The following NUCB2 variants were observed in gnomAD, a reference collection of about 807,000 sequenced individuals.
NUCB2 encodes nucleobindin-2.
NUCB2 carries 48 observed loss-of-function variants against 57.9 expected under a neutral mutation model. The observed-to-expected ratio is 0.83, with a 90% CI of 0.66 to 1.05. The LOEUF is 1.05. Ranked by LOEUF, NUCB2 falls within the 50% of genes least tolerant of loss-of-function variation. The pLI is 0.00. For missense variants in NUCB2, 442 were observed against 476.2 expected (o/e 0.93, Z 0.67); for synonymous variants, 139 against 152.1 (o/e 0.91, Z 0.64).
intron 4 of NUCB2, among the ~76,000 whole-genome samples, chr11:17,297,267 A>G (rs1945973980): frequency 6.6e-6 from 1 of 152,062 alleles, no homozygotes; most frequent in Non-Finnish European, 1.5e-5. Context: ...GAATCAGAAT[A>G]AGAGAACTGT....
At chr11:17,282,748 G>T (rs377120469) in intron 1 of NUCB2, 41 bp from the exon 2 acceptor site, 1 of 151,952 alleles carries the variant, frequency 6.6e-6, no homozygotes, top group Admixed American at 6.6e-5. Context: ...TTGTGATTTT[G>T]TGTCTTTTAT....
At position 17,310,912 on chromosome 11, in the gene NUCB2, T is replaced by C. The variant is rs1948392863; in HGVS notation, c.571T>C (p.Tyr191His). 6.3e-7 allele frequency: 1 copy of C among 1,592,274 alleles called. No individual in the cohort carries two copies. The highest frequency in any genetic ancestry group is 1.8e-5 in the Admixed American group (1 of 54,550). Residue 191 changes from tyrosine (Y) to histidine (H), a missense_variant, in exon 7 of 14, where the codon TAT becomes CAT. By Grantham distance (83) the Tyr-to-His change is moderately conservative. Transcript: ENST00000529010. ...GATGAAGGAACATGAAAGGAGAGAA[T>C]ATTTAAAAACATTGAATGAAGAAAA... ...EMMKEHERRE[Y>H]LKTLNEEKRK...
At chr11:17,324,084 ATCT>A (rs1392712725) in intron 11 of NUCB2, among the ~76,000 whole-genome samples, 7 of 151,584 alleles carry the variant, frequency 4.6e-5, no homozygotes, top group South Asian at 2.1e-4. Flanking sequence ...TTATTTTTTC[ATCT>A]TCTACTAATT....
At position 17,295,461 on chromosome 11, in the gene NUCB2, A is replaced by G. The variant is rs752473794; in HGVS notation, c.138A>G (p.Glu46=). ...ACCCTGTGGAAAGTGCGAAGATAGA[A>G]CCACCAGTAAGTGAAATGAAGTGAA... The part of the protein sequence containing the change: ...NIHPVESAKI[E]PPDTGLYYDE... Residue 46 remains glutamate (E), a synonymous_variant, in exon 3 of 14, where the codon GAA becomes GAG. Transcript: ENST00000529010. 2 of 1,608,996 alleles carry G rather than the reference A, an allele frequency of 1.2e-6. No individual in the cohort carries two copies. The highest frequency in any genetic ancestry group is 1.7e-6 in the Non-Finnish European group (2 of 1,177,408).
intron 2 of NUCB2, among the ~76,000 whole-genome samples, chr11:17,287,630 AC>A (rs142318529): frequency 0.06 from 8,780 of 146,134 alleles, 301 homozygotes; most frequent in Middle Eastern, 0.1. Flanking sequence ...CCAAGATTGC[AC>A]CACTGCATTC....
exon 3 of NUCB2, chr11:17,349,505 G>A (rs1158705433): frequency 1.3e-5 from 2 of 152,312 alleles, no homozygotes; most frequent in East Asian, 3.9e-4. Flanking sequence ...CCTGCTGTCA[G>A]AAAGAAGGAA....
chr11:17,288,878 TATATACACAC>T (rs1218252590), intron 2 of NUCB2, among the ~76,000 whole-genome samples: 9 of 50,918 alleles, frequency 1.8e-4, no homozygotes, highest in South Asian at 7.1e-4. Flanking sequence ...TAATAACATG[TATATACACAC>T]ACACACACAC....
At chr11:17,342,750 G>A (rs1445123892) in intron 2 of NUCB2, among the ~76,000 whole-genome samples, 2 of 149,472 alleles carry the variant, frequency 1.3e-5, no homozygotes, top group African/African-American at 4.9e-5. Flanking sequence ...GTCAATTTTG[G>A]AATAGGTGTG....
At chr11:17,315,236 T>C (rs1222809987) in intron 10 of NUCB2, 150 bp from the exon 11 acceptor site, 2 of 482,430 alleles carry the variant, frequency 4.1e-6, no homozygotes, top group Non-Finnish European at 7.5e-6. Context: ...TGCTCTGTTT[T>C]TTATTTTTTT....
At chr11:17,304,483 C>T (rs983480782) in intron 5 of NUCB2, among the ~76,000 whole-genome samples, 3 of 152,090 alleles carry the variant, frequency 2.0e-5, no homozygotes, top group African/African-American at 4.8e-5. Context: ...CATTAGCCAC[C>T]GTGCCTGATC....
chr11:17,309,153 A>C (rs958657731), intron 5 of NUCB2, among the ~76,000 whole-genome samples: 9 of 152,136 alleles, frequency 5.9e-5, no homozygotes, highest in Admixed American at 5.9e-4. Flanking sequence ...GTCTCTACCA[A>C]AAATTAAAAA....
chr11:17,342,290 G>A (rs1952338030), intron 2 of NUCB2, among the ~76,000 whole-genome samples: 1 of 152,044 alleles, frequency 6.6e-6, no homozygotes, highest in Admixed American at 6.6e-5. Context: ...TTGATTTTTT[G>A]AAGGGTTTTT....
chr11:17,320,410 C>A (rs1341421984), intron 11 of NUCB2, among the ~76,000 whole-genome samples: 1 of 152,152 alleles, frequency 6.6e-6, no homozygotes, highest in African/African-American at 2.4e-5. Flanking sequence ...TAGCTCATGC[C>A]TGTAATCTCA....
In NUCB2 at chr11:17,295,259, G is replaced by A. The variant is rs549354499; in HGVS notation, c.1-65G>A. 54 of 1,342,050 alleles carry A rather than the reference G, an allele frequency of 4.0e-5. 3 individuals are homozygous for A. Among genetic ancestry groups the A allele is most frequent in the South Asian group, 3.4e-4 (20 of 59,000 alleles). The allele number at this position is 1,342,050 out of a possible 1,614,324, so 83.1% of individuals were successfully genotyped here. A position where few individuals can be genotyped will look rare whatever the true frequency, so the allele number is the denominator to read the frequency against. On this transcript the variant is annotated intron_variant, in intron 2 of 13. Coordinates refer to ENST00000529010, the MANE Select transcript of NUCB2 (RefSeq NM_005013.4). Reference sequence around the variant, plus strand: ...TAAATATATGATTAATGTGACATTCGGAATGCATGTATATAGAGTTAAAAC... The same window carrying A: ...TAAATATATGATTAATGTGACATTCAGAATGCATGTATATAGAGTTAAAAC...
At chr11:17,299,902 CATAAA>C (rs61374902) in intron 4 of NUCB2, among the ~76,000 whole-genome samples, 1,620 of 150,728 alleles carry the variant, frequency 0.011, 9 homozygotes, top group Non-Finnish European at 0.017. Flanking sequence ...GACCCTGTGT[CATAAA>C]ATAAAATAAA....
intron 11 of NUCB2, among the ~76,000 whole-genome samples, chr11:17,320,257 AC>A (rs1949844677): frequency 1.3e-5 from 2 of 152,156 alleles, no homozygotes; most frequent in South Asian, 4.1e-4. Flanking sequence ...TTCATGCAAA[AC>A]CTAACTCCCT....
intron 2 of NUCB2, among the ~76,000 whole-genome samples, chr11:17,292,343 C>G (rs1945077968): frequency 6.6e-6 from 1 of 151,988 alleles, no homozygotes. Context: ...TTTAAAGATC[C>G]AAGTTTACCT....
intron 5 of NUCB2, among the ~76,000 whole-genome samples, chr11:17,306,004 C>A (rs1250536874): frequency 1.3e-5 from 2 of 152,126 alleles, no homozygotes; most frequent in Non-Finnish European, 2.9e-5. Context: ...CTCTTATATC[C>A]TTTATCAGAA....
rs532081263 is a variant in NUCB2 at position 17,285,975 on chromosome 11, CTT to C, written c.-1+3033_-1+3034del. Among the ~76,000 whole-genome samples, 93 of 149,826 alleles carry C rather than the reference CTT, an allele frequency of 6.2e-4. 2 individuals are homozygous for C. In the South Asian group the frequency reaches 0.011, roughly 18 times the overall value. ...CACACACACACACACACAAAGCAAACTTAATCTGTATAACTATGGGTATAAAT... is the reference window on the plus strand; with the variant it reads ...CACACACACACACACACAAAGCAAACAATCTGTATAACTATGGGTATAAAT... On this transcript the variant is annotated intron_variant, in intron 2 of 13. Coordinates refer to ENST00000529010, the MANE Select transcript of NUCB2 (RefSeq NM_005013.4).
Sources: allele counts gnomAD v4.1 joint callset (sites outside exome capture counted in the v4.1 genomes callset), GRCh38; gene constraint gnomAD v4.1.1; transcripts MANE v1.5; gene names NCBI Gene and HGNC (gene_info 2026-07-23, HGNC 2026-07-21).